Variants in RYR3 observed in about 807,000 individuals in gnomAD.
The protein encoded by RYR3 is brain ryanodine receptor-calcium release channel.
Under a neutral mutation model 584.3 loss-of-function variants are expected in RYR3, and 207 were observed. That is an observed-to-expected ratio of 0.35 (90% CI 0.32 to 0.40). The LOEUF (loss-of-function observed/expected upper bound fraction) is 0.40, where lower values mean the gene tolerates loss of function less well. Ranked by LOEUF, RYR3 falls within the 10% of genes least tolerant of loss-of-function variation. RYR3 has a pLI of 1.00. For synonymous variants in RYR3, 2,416 were observed against 2,248.5 expected, an observed-to-expected ratio of 1.07 and a Z score of -2.11; for missense variants, 5,616 against 6,089.2, an observed-to-expected ratio of 0.92 and a Z score of 2.59.
At position 33,826,683 on chromosome 15, in the gene RYR3, C is replaced by G. The variant is rs992190321; in HGVS notation, c.11176C>G (p.Leu3726Val). 5 of 1,613,742 alleles carry G rather than the reference C, an allele frequency of 3.1e-6. No individual in the cohort carries two copies. Among genetic ancestry groups the G allele is most frequent in the Non-Finnish European group, 4.2e-6 (5 of 1,179,758 alleles). ...TCTGTGTTTTCAAGGTGAAAAAGTA[C>G]TCCAGAATGACGAGTTCACGCGTGA... ...LIVRERGEKVLQNDEFTRDLF... is the reference protein window; with the variant it reads ...LIVRERGEKVVQNDEFTRDLF... Residue 3726 changes from leucine to valine, a missense_variant, in exon 84 of 104, where the codon CTC (leucine) becomes GTC (valine). Physicochemically the swap from Leu to Val is conservative, Grantham distance 32. Around this residue, in one of 9 missense-constraint regions of RYR3, gnomAD observed 954 missense variants for 1,132.2 expected, o/e 0.84. Coordinates refer to ENST00000634891, the MANE Select transcript of RYR3 (RefSeq NM_001036.6).
intron 1 of RYR3, among the ~76,000 whole-genome samples, chr15:33,384,660 C>G (rs914243503): frequency 8.2e-6 from 1 of 122,604 alleles, no homozygotes; most frequent in African/African-American, 3.1e-5. Context: ...TAACCTATCC[C>G]TTACTTCACA....
chr15:33,571,636 T>G (rs767257541), intron 12 of RYR3, among the ~76,000 whole-genome samples: 2 of 152,200 alleles, frequency 1.3e-5, no homozygotes, highest in Non-Finnish European at 2.9e-5. Flanking sequence ...ATTATGTTTT[T>G]TGTTTGTATG....
At chr15:33,382,781 A>G (rs1402699964) in intron 1 of RYR3, among the ~76,000 whole-genome samples, 20 of 152,190 alleles carry the variant, frequency 1.3e-4, no homozygotes, top group Admixed American at 1.3e-3. Flanking sequence ...TATGCATAGA[A>G]AAATTTTGTG....
At chr15:33,628,422 G>A in intron 20 of RYR3, 49 bp from the exon 21 acceptor site, 1 of 1,346,996 alleles carries the variant, frequency 7.4e-7, no homozygotes, top group Non-Finnish European at 1.1e-6. Flanking sequence ...TAGATTTTAT[G>A]ATAGGTTTCA....
intron 86 of RYR3, among the ~76,000 whole-genome samples, chr15:33,832,116 C>T (rs2077714974): frequency 6.6e-6 from 1 of 151,672 alleles, no homozygotes; most frequent in Admixed American, 6.6e-5. Flanking sequence ...CAATATGGTG[C>T]AATCTCGTCT....
Position 33,750,279 on chromosome 15 carries a change from G to A in RYR3, c.8392G>A (p.Val2798Ile), listed in dbSNP as rs1428988235. 2 of 1,610,720 alleles carry A rather than the reference G, an allele frequency of 1.2e-6. No individual in the cohort carries two copies. Among genetic ancestry groups the A allele is most frequent in the Non-Finnish European group, 1.7e-6 (2 of 1,178,508 alleles). The change falls in exon 57 of 104, where the codon GTT becomes ATT. Residue 2798 changes from valine (V) to isoleucine (I), a missense_variant. By Grantham distance (29) the Val-to-Ile change is conservative. This residue lies in a region of RYR3 where 1,280 missense variants were observed against 1,426.2 expected (regional missense o/e 0.90). Transcript: ENST00000634891. ...GTTCCTCCAAGTGAATGGCATCATA[G>A]TTTCCAGGTAAGTCACCTTCCATGT... ...FKFLQVNGII[V>I]SRGMKDMELD...
chr15:33,376,883 T>C (rs2040789828), intron 1 of RYR3, among the ~76,000 whole-genome samples: 2 of 152,258 alleles, frequency 1.3e-5, no homozygotes, highest in African/African-American at 4.8e-5. Flanking sequence ...AAATTTTTCC[T>C]ATCTTTATTG....
chr15:33,812,842 T>C, intron 72 of RYR3, 21 bp from the exon 73 acceptor site: 1 of 1,612,736 alleles, frequency 6.2e-7, no homozygotes, highest in Admixed American at 1.7e-5. Context: ...CCTCATCTTA[T>C]GAGTATGCTT....
chr15:33,449,580 A>G (rs2046942115), intron 1 of RYR3, among the ~76,000 whole-genome samples: 1 of 152,208 alleles, frequency 6.6e-6, no homozygotes, highest in Non-Finnish European at 1.5e-5. Flanking sequence ...TTATAGAAAT[A>G]CATTTGTTTT....
chr15:33,857,755 C>A (rs1341545133), intron 98 of RYR3, 25 bp from the exon 99 acceptor site: 1 of 1,613,550 alleles, frequency 6.2e-7, no homozygotes, highest in Non-Finnish European at 8.5e-7. Flanking sequence ...CACTCCTTTT[C>A]CTTTCTCTGT....
At chr15:33,499,949 A>AAG (rs2051813984) in intron 2 of RYR3, among the ~76,000 whole-genome samples, 1 of 152,218 alleles carries the variant, frequency 6.6e-6, no homozygotes, top group South Asian at 2.1e-4. Flanking sequence ...GGGGAGAAGA[A>AAG]AGACGTGTTG....
intron 38 of RYR3, among the ~76,000 whole-genome samples, chr15:33,694,169 G>A (rs1325612208): frequency 6.7e-6 from 1 of 150,374 alleles, no homozygotes; most frequent in African/African-American, 2.4e-5. Flanking sequence ...AAAAAAAATA[G>A]CAAATTTAAA....
chr15:33,347,240 C>T (rs1285625052), intron 1 of RYR3, among the ~76,000 whole-genome samples: 1 of 152,092 alleles, frequency 6.6e-6, no homozygotes, highest in Non-Finnish European at 1.5e-5. Context: ...GTATGTTCCA[C>T]CTGTTTAAGG....
At chr15:33,725,755 C>T (rs919250130) in intron 45 of RYR3, among the ~76,000 whole-genome samples, 5 of 146,988 alleles carry the variant, frequency 3.4e-5, no homozygotes, top group South Asian at 4.3e-4. Context: ...GTCAGGAGAT[C>T]GAGACCATGC....
chr15:33,659,656 G>T, intron 32 of RYR3, 64 bp from the exon 33 acceptor site: 1 of 1,073,800 alleles, frequency 9.3e-7, no homozygotes, highest in Non-Finnish European at 1.4e-6. Flanking sequence ...AACACCCAAT[G>T]GCTGAGCCAG....
intron 10 of RYR3, 36 bp downstream of exon 10, chr15:33,550,352 A>G: frequency 1.3e-6 from 2 of 1,580,322 alleles, no homozygotes; most frequent in Non-Finnish European, 1.7e-6. Flanking sequence ...ACCCTGTTCT[A>G]AAAGTGAAAA....
chr15:33,464,254 C>T (rs78360065), intron 1 of RYR3, among the ~76,000 whole-genome samples: 3,348 of 151,590 alleles, frequency 0.022, 129 homozygotes, highest in African/African-American at 0.077. Context: ...GCCTTTCTGA[C>T]AAGGCAACAT....
At chr15:33,313,337 T>C (rs963004198) in intron 1 of RYR3, among the ~76,000 whole-genome samples, 1 of 152,220 alleles carries the variant, frequency 6.6e-6, no homozygotes, top group Non-Finnish European at 1.5e-5. Flanking sequence ...GAGCCTGGCA[T>C]TGAGCGTTAC....
intron 2 of RYR3, among the ~76,000 whole-genome samples, chr15:33,493,071 A>G (rs1009067545): frequency 1.3e-5 from 2 of 152,178 alleles, no homozygotes; most frequent in African/African-American, 4.8e-5. Flanking sequence ...CACCAAAAGT[A>G]CAGTGAAACA....
Sources: gnomAD v4.1 joint callset for allele counts (sites outside exome capture counted in the v4.1 genomes callset) on GRCh38, gnomAD v4.1.1 for gene constraint, gnomAD v4.1.1 regional missense constraint, MANE v1.5 for transcripts, NCBI Gene and HGNC (gene_info 2026-07-23, HGNC 2026-07-21) for gene names.